The following C10orf90 variants were observed in gnomAD, a reference collection of about 807,000 sequenced individuals.
C10orf90 encodes chromosome 10 open reading frame 90.
Under a neutral mutation model 62.5 loss-of-function variants are expected in C10orf90, and 56 were observed. That is an observed-to-expected ratio of 0.90 (90% CI 0.72 to 1.12). The LOEUF (loss-of-function observed/expected upper bound fraction) is 1.12. Among genes scored for constraint, C10orf90 ranks in the 50% most tolerant of loss-of-function variants. C10orf90 has a pLI of 0.00. For synonymous variants in C10orf90, 386 were observed against 340.4 expected (o/e 1.13, Z -1.47); for missense variants, 970 against 880.4 (o/e 1.10, Z -1.29).
At chr10:126,517,471 T>C (rs1440391834) in intron 2 of C10orf90, among the ~76,000 whole-genome samples, 1 of 152,194 alleles carries the variant, frequency 6.6e-6, no homozygotes, top group African/African-American at 2.4e-5. Context: ...GAAATTAGAA[T>C]ATGCAGTCAA....
chr10:126,512,280 G>C (rs371368565), intron 3 of C10orf90, among the ~76,000 whole-genome samples: 2 of 140,104 alleles, frequency 1.4e-5, no homozygotes, highest in African/African-American at 5.5e-5. Context: ...GAGAGAAAGA[G>C]AGACAGAAGT....
At chr10:126,506,750 C>G (rs570988418) in intron 3 of C10orf90, among the ~76,000 whole-genome samples, 19 of 152,128 alleles carry the variant, frequency 1.2e-4, no homozygotes, top group Admixed American at 9.8e-4. Context: ...AGAGGAAGGG[C>G]CTATGTGTGT....
chr10:126,470,652 A>T (rs1429689273), intron 4 of C10orf90, among the ~76,000 whole-genome samples: 1 of 152,048 alleles, frequency 6.6e-6, no homozygotes, highest in Non-Finnish European at 1.5e-5. Context: ...CTAGAGGCTG[A>T]GATGGGAGGA....
In C10orf90 at chr10:126,636,707, A is replaced by G. The variant is rs55671002; in HGVS notation, c.313+9858T>C. ...ACATTTAATTCCTTGTGTCACTTTCAATTTATGTTGCATTTGTTTATATGC... is the reference window on the plus strand; with the variant it reads ...ACATTTAATTCCTTGTGTCACTTTCGATTTATGTTGCATTTGTTTATATGC... On this transcript the variant is annotated intron_variant, in intron 2 of 9. Transcript: ENST00000488181. Among the ~76,000 whole-genome samples the G allele has an allele frequency of 3.6e-3, 544 of 152,274 alleles. 4 individuals are homozygous for G. Among genetic ancestry groups the G allele is most frequent in the African/African-American group, 0.013 (532 of 41,554 alleles).
chr10:126,516,140 C>A (rs371122916), intron 2 of C10orf90, among the ~76,000 whole-genome samples: 1 of 152,170 alleles, frequency 6.6e-6, no homozygotes, highest in Non-Finnish European at 1.5e-5. Flanking sequence ...GGCCCCAGGC[C>A]GACCTACAGT....
intron 1 of C10orf90, among the ~76,000 whole-genome samples, chr10:126,664,376 T>G (rs1325910592): frequency 1.3e-5 from 2 of 152,114 alleles, no homozygotes; most frequent in African/African-American, 4.8e-5. Flanking sequence ...GGGTACAGCC[T>G]CCATGCTAGC....
intron 2 of C10orf90, among the ~76,000 whole-genome samples, chr10:126,566,849 G>T (rs576126831): frequency 6.6e-6 from 1 of 152,336 alleles, no homozygotes; most frequent in Admixed American, 6.5e-5. Flanking sequence ...AGGACTTGAT[G>T]ATGGAGCACA....
intron 2 of C10orf90, among the ~76,000 whole-genome samples, chr10:126,518,355 C>T (rs912957727): frequency 1.3e-5 from 2 of 152,166 alleles, no homozygotes; most frequent in African/African-American, 2.4e-5. Context: ...AGCTCAAGTC[C>T]AGCAGTGCTT....
intron 7 of C10orf90, among the ~76,000 whole-genome samples, chr10:126,455,531 A>T (rs1279089531): frequency 3.3e-5 from 5 of 152,200 alleles, no homozygotes; most frequent in Non-Finnish European, 7.3e-5. Context: ...GTGGGTTCTC[A>T]AACAAGGTAC....
intron 2 of C10orf90, among the ~76,000 whole-genome samples, chr10:126,642,517 G>A (rs1846086100): frequency 6.6e-6 from 1 of 151,976 alleles, no homozygotes; most frequent in Non-Finnish European, 1.5e-5. Flanking sequence ...GGGCGACAGA[G>A]CGAGACTCCA....
chr10:126,544,940 G>A (rs937217520), intron 2 of C10orf90, among the ~76,000 whole-genome samples: 1 of 152,082 alleles, frequency 6.6e-6, no homozygotes, highest in African/African-American at 2.4e-5. Context: ...CAATTCCTAG[G>A]CTAGATTTTC....
chr10:126,529,699 A>T (rs1864042844), intron 2 of C10orf90, among the ~76,000 whole-genome samples: 1 of 152,222 alleles, frequency 6.6e-6, no homozygotes, highest in Admixed American at 6.5e-5. Flanking sequence ...AGATTGGCAA[A>T]AAATCAGTGA....
intron 2 of C10orf90, among the ~76,000 whole-genome samples, chr10:126,575,313 C>T (rs1269360564): frequency 6.6e-6 from 1 of 151,680 alleles, no homozygotes. Flanking sequence ...AAGGTAATCC[C>T]ACTTATAACA....
intron 4 of C10orf90, among the ~76,000 whole-genome samples, chr10:126,475,073 TC>T (rs1351723864): frequency 6.6e-6 from 1 of 152,206 alleles, no homozygotes; most frequent in African/African-American, 2.4e-5. Flanking sequence ...GCAGTGAATG[TC>T]ACCTGTGCTG....
intron 1 of C10orf90, among the ~76,000 whole-genome samples, chr10:126,660,982 C>T (rs7091977): frequency 0.026 from 3,995 of 152,310 alleles, 162 homozygotes; most frequent in African/African-American, 0.09. Context: ...GAGAATCTGG[C>T]TTCTGCTATT....
chr10:126,553,175 A>C (rs58377886), intron 2 of C10orf90, among the ~76,000 whole-genome samples: 5,174 of 152,300 alleles, frequency 0.034, 291 homozygotes, highest in African/African-American at 0.12. Context: ...TACTTAAGAA[A>C]AATCAAGAAC....
At chr10:126,564,171 C>G (rs914705262) in intron 2 of C10orf90, among the ~76,000 whole-genome samples, 1 of 152,004 alleles carries the variant, frequency 6.6e-6, no homozygotes, top group Non-Finnish European at 1.5e-5. Flanking sequence ...TCTGCAGGCT[C>G]GGAAGAAATC....
intron 2 of C10orf90, among the ~76,000 whole-genome samples, chr10:126,552,153 C>T (rs193202635): frequency 4.4e-4 from 67 of 152,222 alleles, no homozygotes; most frequent in African/African-American, 1.5e-3. Context: ...GTAAAAAAGC[C>T]TCTATAAAAG....
chr10:126,444,605 T>C (rs1858624321), intron 7 of C10orf90, among the ~76,000 whole-genome samples: 1 of 152,084 alleles, frequency 6.6e-6, no homozygotes, highest in Non-Finnish European at 1.5e-5. Context: ...CCAAAAGCAA[T>C]CTACAAATTC....
Sources: allele counts gnomAD v4.1 joint callset (sites outside exome capture counted in the v4.1 genomes callset), GRCh38; gene constraint gnomAD v4.1.1; transcripts MANE v1.5; gene names NCBI Gene and HGNC (gene_info 2026-07-23, HGNC 2026-07-21).